The following SAMSN1 variants were observed in gnomAD, a reference collection of about 807,000 sequenced individuals.
The protein encoded by SAMSN1 is SAM domain, SH3 domain and nuclear localization signals 1, also known as SAM domain-containing protein SAMSN-1.
SAMSN1 carries 31 observed loss-of-function variants against 42.0 expected under a neutral mutation model. The observed-to-expected ratio is 0.74, with a 90% CI of 0.55 to 1.00. The LOEUF is 1.00. Among genes scored for constraint, SAMSN1 ranks in the 50% least tolerant of loss-of-function variants. The probability of loss-of-function intolerance (pLI) is 0.00; values close to 1 mark genes in which losing one functional copy is unlikely to be tolerated. For missense variants in SAMSN1, 464 were observed against 439.4 expected, an observed-to-expected ratio of 1.06 and a Z score of -0.50; for synonymous variants, 178 against 151.9, an observed-to-expected ratio of 1.17 and a Z score of -1.26.
intron 1 of SAMSN1, among the ~76,000 whole-genome samples, chr21:14,652,073 G>A (rs1469499220): frequency 7.4e-6 from 1 of 135,678 alleles, no homozygotes; most frequent in South Asian, 2.5e-4. Context: ...AATAATATAG[G>A]TTCATGGATT....
At chr21:14,514,186 T>C (rs1987808239) in intron 3 of SAMSN1, among the ~76,000 whole-genome samples, 1 of 152,246 alleles carries the variant, frequency 6.6e-6, no homozygotes, top group Non-Finnish European at 1.5e-5. Context: ...TCTGCTGAAG[T>C]ATGAGACTCT....
intron 2 of SAMSN1, among the ~76,000 whole-genome samples, chr21:14,640,855 T>G (rs2123378438): frequency 6.6e-6 from 1 of 152,214 alleles, no homozygotes; most frequent in South Asian, 2.1e-4. Flanking sequence ...TATTTTTAAT[T>G]AAATGCTGAG....
At chr21:14,581,995 C>T (rs1470836778) in intron 2 of SAMSN1, 3 of 732,804 alleles carry the variant, frequency 4.1e-6, no homozygotes, top group Non-Finnish European at 6.3e-6. Flanking sequence ...AGTTTGGTTG[C>T]TTTTTGGAAA....
chr21:14,611,101 T>TTG (rs1156739989), intron 4 of SAMSN1, among the ~76,000 whole-genome samples: 2 of 152,112 alleles, frequency 1.3e-5, no homozygotes, highest in African/African-American at 4.8e-5. Context: ...CATTTTTTTT[T>TTG]TTTTGTAGAG....
intron 2 of SAMSN1, among the ~76,000 whole-genome samples, chr21:14,621,729 A>T (rs1319870667): frequency 6.6e-6 from 1 of 152,152 alleles, no homozygotes; most frequent in Non-Finnish European, 1.5e-5. Context: ...GGCAGCAGAA[A>T]CCTCTGCAGA....
intron 1 of SAMSN1, among the ~76,000 whole-genome samples, chr21:14,537,917 C>G (rs925016668): frequency 1.3e-5 from 2 of 152,148 alleles, no homozygotes; most frequent in Non-Finnish European, 1.5e-5. Flanking sequence ...TCTATAGGAC[C>G]ACAGTGAGTA....
rs369587205 is a variant in SAMSN1, at chr21:14,498,099, C to T, written c.919+343G>A. 5.3e-5 allele frequency among the ~76,000 whole-genome samples: 8 copies of T among 152,312 alleles called. No individual in the cohort carries two copies. In the South Asian group the frequency reaches 6.2e-4, roughly 12 times the overall value. ...TCTACAGAAGCCATGTGTGACATTT[C>T]GCACTAATGGCTTATGCTGTTACTA... is the stretch of plus-strand genomic sequence containing the variant. On this transcript the variant is annotated intron_variant, in intron 7 of 7. Transcript: ENST00000400566.
chr21:14,580,164 A>G (rs1451880136), intron 2 of SAMSN1, among the ~76,000 whole-genome samples: 5 of 152,220 alleles, frequency 3.3e-5, no homozygotes, highest in Non-Finnish European at 5.9e-5. Context: ...GAGAATTCAC[A>G]TATCAGGCAG....
chr21:14,530,797 C>T (rs1273896997), intron 1 of SAMSN1, among the ~76,000 whole-genome samples: 7 of 152,118 alleles, frequency 4.6e-5, no homozygotes, highest in Non-Finnish European at 8.8e-5. Context: ...GCATTTGCCA[C>T]CTCTACTCAA....
At position 14,609,526 on chromosome 21, in the gene SAMSN1, T is replaced by G. The variant is rs942142947; in HGVS notation, c.278A>C (p.Lys93Thr). ...TCTGATGTGGGAATCATTCTTATGC[T>G]TGCTGTGTTCCTGCCAGATTTTGTC... The change falls in exon 5 of 16, where the codon AAG becomes ACG. Residue 93 changes from lysine to threonine, a missense_variant. Coordinates refer to the SAMSN1 transcript ENST00000647101. 3 of 718,014 alleles carry G rather than the reference T, an allele frequency of 4.2e-6. No individual in the cohort carries two copies. In the African/African-American group the frequency reaches 5.2e-5, roughly 13 times the overall value. 44.5% of individuals were successfully genotyped at this position (718,014 alleles called of 1,614,324 possible).
chr21:14,569,388 G>A (rs562850837), intron 2 of SAMSN1, among the ~76,000 whole-genome samples: 7 of 152,114 alleles, frequency 4.6e-5, no homozygotes, highest in Admixed American at 2.0e-4. Context: ...CATTTTGGCC[G>A]ACTGCTGTTT....
chr21:14,602,255 C>CT (rs759123850), intron 5 of SAMSN1, among the ~76,000 whole-genome samples: 5,461 of 150,094 alleles, frequency 0.036, 130 homozygotes, highest in African/African-American at 0.064. Flanking sequence ...TGCTATTTTT[C>CT]TTTTTTTTTA....
At chr21:14,518,195 C>T (rs748137314) in intron 2 of SAMSN1, among the ~76,000 whole-genome samples, 6 of 152,114 alleles carry the variant, frequency 3.9e-5, no homozygotes, top group Non-Finnish European at 8.8e-5. Context: ...GAGTAATTTT[C>T]TGATTGATCA....
intron 2 of SAMSN1, among the ~76,000 whole-genome samples, chr21:14,581,125 G>A (rs565432380): frequency 6.6e-6 from 1 of 151,954 alleles, no homozygotes; most frequent in East Asian, 1.9e-4. Context: ...TGACTCCAGA[G>A]AGCATACTCT....
At chr21:14,586,171 G>A (rs1299420153), upstream of SAMSN1, among the ~76,000 whole-genome samples, 1 of 142,988 alleles carries the variant, frequency 7.0e-6, no homozygotes, top group African/African-American at 2.6e-5. Flanking sequence ...GCTGAGGCAG[G>A]AGAATTGCTT....
chr21:14,572,074 C>G (rs1475107254), intron 2 of SAMSN1, among the ~76,000 whole-genome samples: 2 of 152,158 alleles, frequency 1.3e-5, no homozygotes, highest in African/African-American at 4.8e-5. Context: ...TGTGGCCACA[C>G]AGCTCAGGGA....
chr21:14,649,248 A>G (rs1005373641), intron 1 of SAMSN1, among the ~76,000 whole-genome samples: 3 of 131,050 alleles, frequency 2.3e-5, no homozygotes, highest in African/African-American at 8.7e-5. Flanking sequence ...CAGGAAGGGG[A>G]ACATCATACT....
At chr21:14,510,011 C>T (rs1055793424) in intron 5 of SAMSN1, among the ~76,000 whole-genome samples, 10 of 151,790 alleles carry the variant, frequency 6.6e-5, no homozygotes, top group Admixed American at 1.3e-4. Flanking sequence ...TGGTGGCGGG[C>T]GCCTGTAGTC....
intron 7 of SAMSN1, among the ~76,000 whole-genome samples, chr21:14,491,661 G>A (rs773353546): frequency 2.3e-4 from 35 of 152,154 alleles, no homozygotes; most frequent in Non-Finnish European, 4.1e-4. Context: ...GTATACAAGT[G>A]TTCAACTCTA....
Sources: gnomAD v4.1 joint callset for allele counts (sites outside exome capture counted in the v4.1 genomes callset) on GRCh38, gnomAD v4.1.1 for gene constraint, MANE v1.5 for transcripts, NCBI Gene and HGNC (gene_info 2026-07-23, HGNC 2026-07-21) for gene names.